The following MICAL3 variants were observed in gnomAD, a reference collection of about 807,000 sequenced individuals.
MICAL3 encodes microtubule associated monooxygenase, calponin and LIM domain containing 3, also known as [F-actin]-monooxygenase MICAL3.
MICAL3 carries 62 observed loss-of-function variants against 207.4 expected under a neutral mutation model. That is an observed-to-expected ratio of 0.30 (90% CI 0.24 to 0.37). The LOEUF (loss-of-function observed/expected upper bound fraction) is 0.37, where lower values mean the gene tolerates loss of function less well. Among genes scored for constraint, MICAL3 ranks in the 10% least tolerant of loss-of-function variants. The pLI, the probability that MICAL3 is intolerant of heterozygous loss-of-function variation, is 1.00. For missense variants in MICAL3, 2,368 were observed against 2,635.6 expected (o/e 0.90, Z 2.22); for synonymous variants, 1,077 against 1,069.3 (o/e 1.01, Z -0.14).
chr22:17,896,671 ACTCCTAATTATTCCTGCCC>A, intron 8 of MICAL3, 34 bp downstream of exon 8: 1 of 1,573,914 alleles, frequency 6.4e-7, no homozygotes, highest in Non-Finnish European at 8.6e-7. Flanking sequence ...GCCCAGATTC[ACTCCTAATTATTCCTGCCC>A]CTACCACAGA....
chr22:17,817,710 T>A lies in MICAL3; in HGVS notation c.4951A>T (p.Thr1651Ser), dbSNP rs767466546. Residue 1651 changes from threonine to serine, a missense_variant, in exon 26 of 32, where the codon ACA becomes TCA. Thr to Ser is a moderately conservative substitution (Grantham distance 58). Transcript: ENST00000441493. ...TCGGAGCCCCTGAGAGTGGGGCGTG[T>A]GGGGGAGTCAGGCCGGCGCTCCTTG... ...QGKERRPDSP[T>S]RPTLRGSEEP... 1 of 1,597,498 alleles carries A rather than the reference T, an allele frequency of 6.3e-7. No homozygotes were observed. The highest frequency in any genetic ancestry group is 1.3e-5 in the African/African-American group (1 of 74,260).
intron 7 of MICAL3, among the ~76,000 whole-genome samples, chr22:17,897,695 T>C (rs1232107976): frequency 6.6e-6 from 1 of 152,032 alleles, no homozygotes; most frequent in Non-Finnish European, 1.5e-5. Context: ...GCATAACTCA[T>C]GACACCCAAA....
chr22:17,853,776 T>C (rs968945273), intron 19 of MICAL3, among the ~76,000 whole-genome samples: 1 of 152,228 alleles, frequency 6.6e-6, no homozygotes, highest in Non-Finnish European at 1.5e-5. Context: ...TCTCTGAGGC[T>C]GGGGCCACCA....
chr22:18,007,688 T>C (rs972114995), intron 1 of MICAL3, among the ~76,000 whole-genome samples: 3 of 150,582 alleles, frequency 2.0e-5, no homozygotes, highest in Middle Eastern at 3.4e-3. Flanking sequence ...GTGCTGTGGC[T>C]CACGCCTGTA....
intron 1 of MICAL3, among the ~76,000 whole-genome samples, chr22:17,914,520 C>G (rs1031769431): frequency 1.3e-5 from 2 of 152,154 alleles, no homozygotes; most frequent in African/African-American, 4.8e-5. Flanking sequence ...CCTGAGAATA[C>G]AGCTTGAGAA....
In MICAL3 at chr22:17,927,181, A is replaced by G. The variant is rs570647047; in HGVS notation, c.-74-20295T>C. On this transcript the variant is annotated intron_variant, in intron 1 of 31. Transcript: ENST00000441493. ...GTACCTCATATAAGTAGAATCATGTATTTGTCTCTCTGTGTCTGGCTTATT... is the reference window on the plus strand; with the variant it reads ...GTACCTCATATAAGTAGAATCATGTGTTTGTCTCTCTGTGTCTGGCTTATT... 2.6e-5 allele frequency among the ~76,000 whole-genome samples: 4 copies of G among 152,284 alleles called. No homozygotes were observed. The East Asian group carries it at 7.7e-4, about 29-fold the overall frequency.
At chr22:17,963,366 T>C (rs76058528) in intron 1 of MICAL3, among the ~76,000 whole-genome samples, 2,048 of 152,208 alleles carry the variant, frequency 0.013, 40 homozygotes, top group African/African-American at 0.046. Context: ...GGGACACCCA[T>C]GGCGTGAGAT....
At chr22:17,903,358 C>T (rs188532221) in intron 3 of MICAL3, among the ~76,000 whole-genome samples, 3 of 152,152 alleles carry the variant, frequency 2.0e-5, no homozygotes, top group Non-Finnish European at 4.4e-5. Flanking sequence ...TTGATTTATT[C>T]GACGTCCATG....
At chr22:17,924,768 G>A (rs183286528) in intron 1 of MICAL3, among the ~76,000 whole-genome samples, 2 of 152,288 alleles carry the variant, frequency 1.3e-5, no homozygotes, top group Admixed American at 1.3e-4. Context: ...AGAAGCCCCA[G>A]AGCATCTCAA....
intron 1 of MICAL3, among the ~76,000 whole-genome samples, chr22:17,964,124 G>A (rs1393081017): frequency 6.6e-6 from 1 of 152,128 alleles, no homozygotes; most frequent in Non-Finnish European, 1.5e-5. Flanking sequence ...TACAAACAAA[G>A]GATTCAAAAT....
At chr22:17,864,381 G>A in intron 19 of MICAL3, 4 of 1,311,608 alleles carry the variant, frequency 3.0e-6, no homozygotes, top group Non-Finnish European at 9.8e-7. Flanking sequence ...CACAGTGACA[G>A]GGAACAGGAC....
In MICAL3 at chr22:17,879,444, C is replaced by T. The variant is rs771583312; in HGVS notation, c.2241+6434G>A. 3.2e-6 allele frequency: 5 copies of T among 1,558,688 alleles called. No homozygotes were observed. In the South Asian group the frequency reaches 3.5e-5, roughly 11 times the overall value. ...AGAAACTTAAGCTCCATGCATATCGCTCTATTTGGACCTACTAAACGACAG... is the reference window on the plus strand; with the variant it reads ...AGAAACTTAAGCTCCATGCATATCGTTCTATTTGGACCTACTAAACGACAG... On this transcript the variant is annotated intron_variant, in intron 16 of 31. Coordinates refer to ENST00000441493, the MANE Select transcript of MICAL3 (RefSeq NM_015241.3).
intron 1 of MICAL3, among the ~76,000 whole-genome samples, chr22:17,918,518 A>G (rs939957637): frequency 6.6e-6 from 1 of 152,128 alleles, no homozygotes. Context: ...CAGCAGCAGC[A>G]CATATCACGT....
chr22:17,994,882 G>C (rs895137178), intron 1 of MICAL3, among the ~76,000 whole-genome samples: 23 of 152,116 alleles, frequency 1.5e-4, no homozygotes, highest in African/African-American at 5.3e-4. Context: ...TAACCAGACC[G>C]AATCTCCTGC....
At position 17,899,494 on chromosome 22, in the gene MICAL3, A is replaced by G; in HGVS notation, c.902T>C (p.Met301Thr). The change falls in exon 7 of 32, where the codon ATG becomes ACG. Residue 301 changes from methionine to threonine, a missense_variant. By Grantham distance (81) the Met-to-Thr change is moderately conservative. Around this residue, in one of 4 missense-constraint regions of MICAL3, gnomAD observed 400 missense variants for 547.0 expected, o/e 0.73. Transcript: ENST00000441493. ...CAGCAAACTCTGCTTTTTGGCTGTC[A>G]TAACGAAATAGTGTGTGTCATCTTT... is the stretch of plus-strand genomic sequence containing the variant. ...YYKDDTHYFV[M>T]TAKKQSLLDK... The G allele has an allele frequency of 6.2e-7, 1 of 1,610,530 alleles. No homozygotes were observed. The highest frequency in any genetic ancestry group is 8.5e-7 in the Non-Finnish European group (1 of 1,178,162).
At chr22:17,857,237 G>A (rs1471581862) in intron 19 of MICAL3, among the ~76,000 whole-genome samples, 2 of 152,224 alleles carry the variant, frequency 1.3e-5, no homozygotes, top group Non-Finnish European at 2.9e-5. Flanking sequence ...TGGCTGGCTA[G>A]TGAGTGTCAC....
chr22:17,872,870 T>C (rs764812536), intron 16 of MICAL3: 2 of 1,486,720 alleles, frequency 1.3e-6, no homozygotes, highest in Non-Finnish European at 9.4e-7. Context: ...GGTTGAAGAT[T>C]ACAAAATGAC....
chr22:17,884,600 A>G (rs979170461), intron 16 of MICAL3, among the ~76,000 whole-genome samples: 2 of 152,236 alleles, frequency 1.3e-5, no homozygotes, highest in Admixed American at 1.3e-4. Context: ...TGTAATACGC[A>G]TCATCTCTTT....
At chr22:17,933,135 C>T (rs1933350340) in intron 1 of MICAL3, among the ~76,000 whole-genome samples, 1 of 152,206 alleles carries the variant, frequency 6.6e-6, no homozygotes, top group Non-Finnish European at 1.5e-5. Context: ...TAGACATCTA[C>T]AGAACTCTCC....
Sources: gnomAD v4.1 joint callset for allele counts (sites outside exome capture counted in the v4.1 genomes callset) on GRCh38, gnomAD v4.1.1 for gene constraint, gnomAD v4.1.1 regional missense constraint, MANE v1.5 for transcripts, NCBI Gene and HGNC (gene_info 2026-07-23, HGNC 2026-07-21) for gene names.